The following NALF1 variants were observed in gnomAD, a reference collection of about 807,000 sequenced individuals.
The protein encoded by NALF1 is NALCN channel auxiliary factor 1, also known as family with sequence similarity 155 member A.
In NALF1, 3 loss-of-function variants were observed where a neutral mutation model predicts 48.4. That is an observed-to-expected ratio of 0.06 (90% confidence interval 0.03 to 0.16). NALF1 has a LOEUF of 0.16. Among genes scored for constraint, NALF1 ranks in the 10% least tolerant of loss-of-function variants. The pLI is 1.00. For synonymous variants in NALF1, 262 were observed against 245.7 expected (o/e 1.07, Z -0.62); for missense variants, 526 against 571.5 (o/e 0.92, Z 0.81).
intron 1 of NALF1, among the ~76,000 whole-genome samples, chr13:107,757,914 T>C (rs1186550564): frequency 6.6e-6 from 1 of 152,226 alleles, no homozygotes; most frequent in Non-Finnish European, 1.5e-5. Flanking sequence ...TAAAAAATTA[T>C]CAATAAGCTT....
chr13:107,216,935 A>G (rs1476283002), intron 1 of NALF1, among the ~76,000 whole-genome samples: 1 of 152,226 alleles, frequency 6.6e-6, no homozygotes, highest in African/African-American at 2.4e-5. Context: ...GAATGTGCCC[A>G]TCCAGAGATA....
At chr13:107,804,372 C>T (rs996272855) in intron 1 of NALF1, among the ~76,000 whole-genome samples, 2 of 151,920 alleles carry the variant, frequency 1.3e-5, no homozygotes, top group African/African-American at 4.8e-5. Context: ...TTCCTTCCCA[C>T]TTCCCTTTCC....
chr13:107,657,341 C>G (rs915507686), intron 1 of NALF1, among the ~76,000 whole-genome samples: 1 of 152,058 alleles, frequency 6.6e-6, no homozygotes, highest in East Asian at 1.9e-4. Flanking sequence ...TTATTTCCCC[C>G]TAACCAGGTA....
At chr13:107,689,529 G>T (rs139624684) in intron 1 of NALF1, among the ~76,000 whole-genome samples, 1 of 152,224 alleles carries the variant, frequency 6.6e-6, no homozygotes, top group Admixed American at 6.5e-5. Flanking sequence ...TGGCCAAATG[G>T]AGTTTCAAGA....
intron 1 of NALF1, among the ~76,000 whole-genome samples, chr13:107,328,497 T>A (rs911772854): frequency 6.6e-6 from 1 of 152,148 alleles, no homozygotes; most frequent in Non-Finnish European, 1.5e-5. Context: ...GTATGAGAAG[T>A]CCTCCCATAA....
intron 1 of NALF1, among the ~76,000 whole-genome samples, chr13:107,749,195 G>A (rs1876866442): frequency 6.7e-6 from 1 of 148,438 alleles, no homozygotes; most frequent in Non-Finnish European, 1.5e-5. Flanking sequence ...ATATTAAAAC[G>A]CTGAGAAACC....
At chr13:107,849,821 T>A (rs1035343332) in intron 1 of NALF1, among the ~76,000 whole-genome samples, 3 of 152,124 alleles carry the variant, frequency 2.0e-5, no homozygotes, top group Non-Finnish European at 4.4e-5. Flanking sequence ...TAGACAAAAA[T>A]AATCAAGAAA....
intron 1 of NALF1, chr13:107,788,367 C>T (rs968619106): frequency 1.3e-5 from 2 of 152,130 alleles, no homozygotes; most frequent in Non-Finnish European, 2.9e-5. Flanking sequence ...CTATTTGGGA[C>T]ATTCATGGTC....
At chr13:107,573,072 CCTT>C (rs1221044342) in intron 1 of NALF1, among the ~76,000 whole-genome samples, 1 of 152,114 alleles carries the variant, frequency 6.6e-6, no homozygotes, top group Non-Finnish European at 1.5e-5. Flanking sequence ...ACAACACACA[CCTT>C]CTTCTGAGGG....
chr13:107,276,370 C>T (rs1881281229), intron 1 of NALF1, among the ~76,000 whole-genome samples: 1 of 152,192 alleles, frequency 6.6e-6, no homozygotes, highest in Middle Eastern at 3.2e-3. Context: ...CACATAACCT[C>T]ATCTCTTCCT....
chr13:107,326,003 A>G (rs1022587024), intron 1 of NALF1, among the ~76,000 whole-genome samples: 7 of 149,722 alleles, frequency 4.7e-5, no homozygotes, highest in African/African-American at 1.5e-4. Flanking sequence ...ATATATATGT[A>G]TATGTGTGTG....
chr13:107,318,449 C>CT (rs1368193119), intron 1 of NALF1, among the ~76,000 whole-genome samples: 1 of 152,040 alleles, frequency 6.6e-6, no homozygotes, highest in Admixed American at 6.6e-5. Flanking sequence ...ATGAGTACCA[C>CT]TTTTTTCAAA....
intron 1 of NALF1, among the ~76,000 whole-genome samples, chr13:107,817,959 T>C (rs1043443592): frequency 2.0e-5 from 3 of 152,210 alleles, no homozygotes; most frequent in Non-Finnish European, 4.4e-5. Flanking sequence ...GATTTATGAA[T>C]ATGCAAAGGA....
intron 1 of NALF1, among the ~76,000 whole-genome samples, chr13:107,520,179 T>G (rs1876190629): frequency 6.6e-6 from 1 of 152,170 alleles, no homozygotes; most frequent in Non-Finnish European, 1.5e-5. Flanking sequence ...CAGAGAAATA[T>G]AATTGTTTTC....
intron 1 of NALF1, among the ~76,000 whole-genome samples, chr13:107,369,334 G>A (rs1883208645): frequency 6.6e-6 from 1 of 152,024 alleles, no homozygotes; most frequent in Non-Finnish European, 1.5e-5. Flanking sequence ...AAATTTAGGT[G>A]ATTTAAATAC....
chr13:107,192,378 T>C (rs551163189), intron 2 of NALF1, among the ~76,000 whole-genome samples: 6 of 152,234 alleles, frequency 3.9e-5, no homozygotes, highest in African/African-American at 1.2e-4. Context: ...TGGAGAGTAC[T>C]GTAAACAGTT....
chr13:107,648,048 AC>A (rs1880356055), intron 1 of NALF1, among the ~76,000 whole-genome samples: 2 of 152,178 alleles, frequency 1.3e-5, no homozygotes, highest in Admixed American at 1.3e-4. Flanking sequence ...TCAATGAGTT[AC>A]ATTTTACAGA....
chr13:107,291,742 C>T (rs75614619), intron 1 of NALF1, among the ~76,000 whole-genome samples: 1 of 152,164 alleles, frequency 6.6e-6, no homozygotes, highest in Non-Finnish European at 1.5e-5. Context: ...TGTAACATTA[C>T]CTATTTCTTG....
intron 1 of NALF1, among the ~76,000 whole-genome samples, chr13:107,432,368 A>G (rs1381835386): frequency 1.3e-5 from 2 of 152,170 alleles, no homozygotes; most frequent in Non-Finnish European, 2.9e-5. Flanking sequence ...AAACTATATT[A>G]CTATCATCAC....
Sources: allele counts gnomAD v4.1 joint callset (sites outside exome capture counted in the v4.1 genomes callset), GRCh38; gene constraint gnomAD v4.1.1; transcripts MANE v1.5; gene names NCBI Gene and HGNC (gene_info 2026-07-23, HGNC 2026-07-21).